Variants in PAMR1 observed in about 807,000 individuals in gnomAD.
PAMR1 encodes inactive serine protease PAMR1.
PAMR1 carries 88 observed loss-of-function variants against 81.8 expected under a neutral mutation model. The observed-to-expected ratio is 1.08, with a 90% CI of 0.91 to 1.28. The LOEUF is 1.28. Ranked by LOEUF, PAMR1 falls within the 50% of genes most tolerant of loss-of-function variation. The pLI is 0.00. For missense variants in PAMR1, 935 were observed against 919.7 expected (o/e 1.02, Z -0.21); for synonymous variants, 336 against 345.3 (o/e 0.97, Z 0.30).
chr11:35,435,353 C>T (rs1406706824), intron 9 of PAMR1, among the ~76,000 whole-genome samples: 1 of 152,148 alleles, frequency 6.6e-6, no homozygotes, highest in Non-Finnish European at 1.5e-5. Flanking sequence ...ATTAATACCT[C>T]ATTACATTTT....
chr11:35,446,900 C>G (rs12282350), intron 6 of PAMR1, among the ~76,000 whole-genome samples: 2,483 of 152,240 alleles, frequency 0.016, 62 homozygotes, highest in African/African-American at 0.057. Flanking sequence ...TGTTAATTTT[C>G]TGTCTTGATG....
chr11:35,514,995 A>T (rs1851137066), intron 1 of PAMR1, among the ~76,000 whole-genome samples: 1 of 152,242 alleles, frequency 6.6e-6, no homozygotes, highest in African/African-American at 2.4e-5. Context: ...ACAGACCAAG[A>T]TCCAGTCTCA....
At chr11:35,461,463 C>T (rs757517521) in intron 6 of PAMR1, among the ~76,000 whole-genome samples, 11 of 152,176 alleles carry the variant, frequency 7.2e-5, no homozygotes, top group Non-Finnish European at 1.6e-4. Flanking sequence ...ACCCCTAAGC[C>T]TCTTGCCCTG....
intron 6 of PAMR1, among the ~76,000 whole-genome samples, chr11:35,458,752 GAA>G (rs1362132722): frequency 6.6e-6 from 1 of 152,202 alleles, no homozygotes; most frequent in Non-Finnish European, 1.5e-5. Context: ...GTTCTGTTTA[GAA>G]AAGGCATTAA....
chr11:35,510,690 T>C (rs1049243880), intron 1 of PAMR1, among the ~76,000 whole-genome samples: 3 of 152,192 alleles, frequency 2.0e-5, no homozygotes, highest in African/African-American at 7.2e-5. Flanking sequence ...TCTCTCAAAA[T>C]TGGTAATATG....
At chr11:35,486,426 T>C (rs1412884803) in intron 3 of PAMR1, among the ~76,000 whole-genome samples, 3 of 152,252 alleles carry the variant, frequency 2.0e-5, no homozygotes, top group Non-Finnish European at 4.4e-5. Context: ...ACCATGCCCG[T>C]CTGGCTTATC....
At chr11:35,528,299 A>G (rs1851422017), upstream of PAMR1, among the ~76,000 whole-genome samples, 1 of 152,200 alleles carries the variant, frequency 6.6e-6, no homozygotes, top group South Asian at 2.1e-4. Flanking sequence ...GACAGAAGTT[A>G]ATCATTGGAG....
At chr11:35,455,772 G>A (rs1384653605) in intron 6 of PAMR1, among the ~76,000 whole-genome samples, 1 of 151,910 alleles carries the variant, frequency 6.6e-6, no homozygotes, top group Non-Finnish European at 1.5e-5. Context: ...ATTAGAAGAT[G>A]TTTTTCTATA....
At chr11:35,497,957 C>T (rs1850758678) in intron 1 of PAMR1, among the ~76,000 whole-genome samples, 1 of 152,050 alleles carries the variant, frequency 6.6e-6, no homozygotes, top group Non-Finnish European at 1.5e-5. Flanking sequence ...GGATAGCATA[C>T]CCAAAGGCCA....
At chr11:35,528,707 G>A (rs1851426344), upstream of PAMR1, among the ~76,000 whole-genome samples, 1 of 152,110 alleles carries the variant, frequency 6.6e-6, no homozygotes, top group Admixed American at 6.5e-5. Flanking sequence ...AAACCTGTTT[G>A]GCTATTTGCT....
Position 35,468,105 on chromosome 11 carries a change from C to A in PAMR1, c.716G>T (p.Cys239Phe), listed in dbSNP as rs1439225525. 1.3e-6 allele frequency: 2 copies of A among 1,549,720 alleles called. No individual in the cohort carries two copies. The highest frequency in any genetic ancestry group is 2.0e-5 in the Admixed American group (1 of 51,034). Reference protein sequence around the residue: ...FHAIYEEITACSSSPCFHDGT... With the variant: ...FHAIYEEITAFSSSPCFHDGT... ...GTCATGGAAACAAGGGGATGAGGAG[C>A]ATGCTGTAAGAGAAAAGGCATCCTT... The change falls in exon 6 of 11, where the codon TGC becomes TTC. Residue 239 changes from cysteine to phenylalanine, a missense_variant. By Grantham distance (205) the Cys-to-Phe change is radical. Coordinates refer to ENST00000619888, the MANE Select transcript of PAMR1 (RefSeq NM_001001991.3).
At chr11:35,491,417 G>T (rs1194204978) in intron 3 of PAMR1, among the ~76,000 whole-genome samples, 1 of 152,188 alleles carries the variant, frequency 6.6e-6, no homozygotes, top group Non-Finnish European at 1.5e-5. Flanking sequence ...TGAAATAAAA[G>T]CAATTTGTAC....
intron 6 of PAMR1, among the ~76,000 whole-genome samples, chr11:35,445,050 T>G (rs1756057953): frequency 6.6e-6 from 1 of 152,116 alleles, no homozygotes; most frequent in South Asian, 2.1e-4. Flanking sequence ...TGAAGAGATC[T>G]TTCACTTCCC....
intron 1 of PAMR1, among the ~76,000 whole-genome samples, chr11:35,520,178 G>T (rs626301): frequency 6.6e-6 from 1 of 151,910 alleles, no homozygotes; most frequent in East Asian, 1.9e-4. Flanking sequence ...ATTGATGATT[G>T]TATCATCAAG....
intron 3 of PAMR1, among the ~76,000 whole-genome samples, chr11:35,478,475 A>C (rs1325530040): frequency 6.6e-6 from 1 of 152,194 alleles, no homozygotes; most frequent in Non-Finnish European, 1.5e-5. Flanking sequence ...CAACTTCCAA[A>C]CAACCAGAGA....
intron 1 of PAMR1, among the ~76,000 whole-genome samples, chr11:35,499,180 T>C (rs1284702754): frequency 6.6e-6 from 1 of 152,196 alleles, no homozygotes. Flanking sequence ...GAGAGCCAGC[T>C]TTGCCTCTAA....
chr11:35,485,911 A>G (rs1850492130), intron 3 of PAMR1, among the ~76,000 whole-genome samples: 1 of 152,236 alleles, frequency 6.6e-6, no homozygotes, highest in African/African-American at 2.4e-5. Context: ...TTGCACTGCC[A>G]TGGGGCTCCG....
rs142965329 is a variant in PAMR1 at position 35,502,636 on chromosome 11, A to G, written c.74-8364T>C. 7.5e-3 allele frequency among the ~76,000 whole-genome samples: 1,148 copies of G among 152,246 alleles called. 12 individuals are homozygous for G. Among genetic ancestry groups the G allele is most frequent in the African/African-American group, 0.026 (1,089 of 41,546 alleles). ...TACTATTCCATGGTGTATATGTACC[A>G]CATTTTCTTTGTCCAGTCTCTCATT... is the stretch of plus-strand genomic sequence containing the variant. On this transcript the variant is annotated intron_variant, in intron 1 of 10. Transcript: ENST00000619888.
rs1220664203 is a variant in PAMR1, at chr11:35,474,678, T to A, written c.446A>T (p.His149Leu). The stretch of plus-strand genomic sequence containing the variant: ...TTTAGCATGAATGGTCCATTCACAG[T>A]GAGCATTTAGGGGATAGCTTTCCAA... Reference protein sequence around the residue: ...ILLESYPLNAHCEWTIHAKPG... With the variant: ...ILLESYPLNALCEWTIHAKPG... The change falls in exon 4 of 11, where the codon CAC (histidine) becomes CTC (leucine). Residue 149 changes from histidine to leucine, a missense_variant. Physicochemically the swap from His to Leu is moderately conservative, Grantham distance 99. Coordinates refer to ENST00000619888, the MANE Select transcript of PAMR1 (RefSeq NM_001001991.3). 1 of 1,610,862 alleles carries A rather than the reference T, an allele frequency of 6.2e-7. No individual in the cohort carries two copies. Among genetic ancestry groups the A allele is most frequent in the Non-Finnish European group, 8.5e-7 (1 of 1,178,652 alleles).
Sources: gnomAD v4.1 joint callset for allele counts (sites outside exome capture counted in the v4.1 genomes callset) on GRCh38, gnomAD v4.1.1 for gene constraint, MANE v1.5 for transcripts, NCBI Gene and HGNC (gene_info 2026-07-23, HGNC 2026-07-21) for gene names.